STYX: variants seen among roughly 807,000 people sequenced by gnomAD.
The protein encoded by STYX is serine/threonine/tyrosine interacting protein, also known as serine/threonine/tyrosine-interacting protein.
In STYX, 20 loss-of-function variants were observed where a neutral mutation model predicts 42.7. That is an observed-to-expected ratio of 0.47 (90% CI 0.33 to 0.68). The LOEUF is 0.68. Among genes scored for constraint, STYX ranks in the 30% least tolerant of loss-of-function variants. The pLI is 0.02. For missense variants in STYX, 226 were observed against 268.5 expected (o/e 0.84, Z 1.11); for synonymous variants, 78 against 81.9 (o/e 0.95, Z 0.26).
At chr14:52,737,454 A>G (rs994493879) in intron 1 of STYX, among the ~76,000 whole-genome samples, 5 of 152,212 alleles carry the variant, frequency 3.3e-5, no homozygotes, top group South Asian at 4.1e-4. Context: ...GTGTTTCACA[A>G]TAGAGGGTTA....
At chr14:52,755,164 C>G (rs1303154943) in intron 4 of STYX, among the ~76,000 whole-genome samples, 1 of 150,868 alleles carries the variant, frequency 6.6e-6, no homozygotes, top group East Asian at 1.9e-4. Flanking sequence ...GCTGTTTCAC[C>G]CAGGCTGGAG....
intron 9 of STYX, among the ~76,000 whole-genome samples, chr14:52,765,337 C>T (rs1882258456): frequency 6.6e-6 from 1 of 152,138 alleles, no homozygotes; most frequent in Non-Finnish European, 1.5e-5. Flanking sequence ...TCCGCTTCAG[C>T]CTCCTGATTA....
Position 52,770,307 on chromosome 14 carries a change from C to T in STYX, c.599-726C>T, listed in dbSNP as rs989546273. On this transcript the variant is annotated intron_variant, in intron 10 of 10. Coordinates refer to ENST00000354586, the MANE Select transcript of STYX (RefSeq NM_145251.4). The stretch of plus-strand genomic sequence containing the variant: ...GCCCTCTGAATTAACATTATTATTA[C>T]CATGATATAACAGTCCTGTAGGGCA... Among the ~76,000 whole-genome samples, 3 of 152,056 alleles carry T rather than the reference C, an allele frequency of 2.0e-5. No homozygotes were observed. The East Asian group carries it at 5.8e-4, about 29-fold the overall frequency.
chr14:52,761,638 G>A (rs9972124), intron 9 of STYX, among the ~76,000 whole-genome samples: 2 of 139,962 alleles, frequency 1.4e-5, no homozygotes, highest in African/African-American at 5.3e-5. Flanking sequence ...GCGCCATCTC[G>A]GTTCACTGCA....
chr14:52,739,639 T>C (rs1422518412), intron 1 of STYX, among the ~76,000 whole-genome samples: 4 of 138,848 alleles, frequency 2.9e-5, no homozygotes, highest in Admixed American at 7.2e-5. Context: ...TTTCTTTTTT[T>C]TTTTTTTTTT....
In STYX at chr14:52,750,751, T is replaced by C. The variant is rs780748192; in HGVS notation, c.213T>C (p.Phe71=). 8.8e-6 allele frequency: 14 copies of C among 1,593,314 alleles called. No individual in the cohort carries two copies. In the Middle Eastern group the frequency reaches 5.0e-4, roughly 57 times the overall value. The part of the protein sequence containing the change: ...ICIRQNIEAN[F]IKPNFQQLFR... ...TACGACAAAATATTGAAGCAAACTT[T>C]ATTAAACCAAACTTTCAGCAGTTAT... The change falls in exon 4 of 11, where the codon TTT becomes TTC. Residue 71 remains phenylalanine, a synonymous_variant. Transcript: ENST00000354586.
chr14:52,757,436 C>A, intron 6 of STYX, 81 bp downstream of exon 6: 1 of 1,285,072 alleles, frequency 7.8e-7, no homozygotes, highest in Non-Finnish European at 1.1e-6. Flanking sequence ...GTCTTAAATG[C>A]AGGATATGGA....
At chr14:52,763,778 G>T (rs77137752) in intron 9 of STYX, among the ~76,000 whole-genome samples, 16,046 of 152,118 alleles carry the variant, frequency 0.11, 898 homozygotes, top group South Asian at 0.15. Context: ...AAAAGAAGAT[G>T]CATTCTGTTT....
intron 1 of STYX, among the ~76,000 whole-genome samples, chr14:52,737,218 A>G (rs1473562356): frequency 6.6e-6 from 1 of 152,226 alleles, no homozygotes; most frequent in Non-Finnish European, 1.5e-5. Flanking sequence ...TTCAATGCAT[A>G]TAAGAATTAT....
chr14:52,757,501 G>T (rs987170949), intron 6 of STYX, 146 bp downstream of exon 6: 1 of 850,008 alleles, frequency 1.2e-6, no homozygotes, highest in Non-Finnish European at 1.8e-6. Flanking sequence ...CCAATTACTT[G>T]TTTCATTTGG....
At chr14:52,734,784 G>A (rs532462044) in intron 1 of STYX, among the ~76,000 whole-genome samples, 1 of 152,178 alleles carries the variant, frequency 6.6e-6, no homozygotes, top group East Asian at 1.9e-4. Flanking sequence ...AAATCCGGCC[G>A]GGCGTGGTGG....
chr14:52,762,280 G>A lies in STYX; in HGVS notation c.504+2526G>A, dbSNP rs80311438. The stretch of plus-strand genomic sequence containing the variant: ...TATGGAAATCTATTTATAGCCTACC[G>A]ATTTGAAATATCATTTTTATTTTAT... On this transcript the variant is annotated intron_variant, in intron 9 of 10. Coordinates refer to ENST00000354586, the MANE Select transcript of STYX (RefSeq NM_145251.4). Among the ~76,000 whole-genome samples, 1,227 of 152,190 alleles carry A rather than the reference G, an allele frequency of 8.1e-3. 11 individuals carry two copies. Among genetic ancestry groups the A allele is most frequent in the Non-Finnish European group, 0.014 (948 of 68,012 alleles).
intron 3 of STYX, 99 bp downstream of exon 3, chr14:52,746,578 A>G (rs1881405423): frequency 2.0e-6 from 2 of 977,858 alleles, no homozygotes; most frequent in Admixed American, 3.1e-5. Context: ...GGGAGCATCC[A>G]CAAATACTGT....
At chr14:52,758,313 T>A (rs1475207905) in intron 8 of STYX, among the ~76,000 whole-genome samples, 1 of 152,198 alleles carries the variant, frequency 6.6e-6, no homozygotes, top group African/African-American at 2.4e-5. Context: ...GTAGTCTTTC[T>A]TATCAAAAAT....
intron 6 of STYX, 139 bp from the exon 7 acceptor site, chr14:52,757,604 T>C (rs1881924868): frequency 1.1e-5 from 9 of 847,470 alleles, no homozygotes; most frequent in East Asian, 1.0e-4. Context: ...CTCTACACAG[T>C]TGATAATAAC....
chr14:52,765,290 C>T (rs1324577628), intron 9 of STYX, among the ~76,000 whole-genome samples: 2 of 152,154 alleles, frequency 1.3e-5, no homozygotes, highest in Admixed American at 6.5e-5. Flanking sequence ...ACAATCTAGG[C>T]TCACTGCAAT....
intron 3 of STYX, among the ~76,000 whole-genome samples, chr14:52,748,151 T>C (rs539384151): frequency 2.0e-5 from 3 of 152,316 alleles, no homozygotes; most frequent in African/African-American, 4.8e-5. Flanking sequence ...CATACCATTA[T>C]CTAAAAACAA....
Position 52,771,858 on chromosome 14 carries a change from C to A in STYX, c.*752C>A, listed in dbSNP as rs946888995. 4 of 152,468 alleles carry A rather than the reference C, an allele frequency of 2.6e-5. No homozygotes were observed. The highest frequency in any genetic ancestry group is 4.4e-5 in the Non-Finnish European group (3 of 67,934). The allele number at this position is 152,468 out of a possible 1,614,324, so 9.4% of individuals were successfully genotyped here. On this transcript the variant is annotated 3_prime_UTR_variant, in exon 11 of 11. Coordinates refer to ENST00000354586, the MANE Select transcript of STYX (RefSeq NM_145251.4). ...TGATTTATAGTACCAAGTGCTTAAA[C>A]ACAAGGATAGTGTTAGATTTTCGAG...
intron 3 of STYX, among the ~76,000 whole-genome samples, chr14:52,746,862 C>T (rs1881414547): frequency 3.3e-5 from 5 of 152,172 alleles, no homozygotes; most frequent in Admixed American, 3.3e-4. Flanking sequence ...CCTTCCTTAT[C>T]AAGGGTAAGA....
Sources: gnomAD v4.1 joint callset for allele counts (sites outside exome capture counted in the v4.1 genomes callset) on GRCh38, gnomAD v4.1.1 for gene constraint, MANE v1.5 for transcripts, NCBI Gene and HGNC (gene_info 2026-07-23, HGNC 2026-07-21) for gene names.